DIAPH1: variants seen among roughly 807,000 people sequenced by gnomAD.
DIAPH1 encodes diaphanous related formin 1, also known as protein diaphanous homolog 1.
Under a neutral mutation model 140.7 loss-of-function variants are expected in DIAPH1, and 46 were observed. That is an observed-to-expected ratio of 0.33 (90% CI 0.26 to 0.42). DIAPH1 has a LOEUF of 0.42. Among genes scored for constraint, DIAPH1 ranks in the 10% least tolerant of loss-of-function variants. DIAPH1 has a pLI of 1.00. For synonymous variants in DIAPH1, 565 were observed against 551.6 expected (o/e 1.02, Z -0.34); for missense variants, 1,310 against 1,558.7 (o/e 0.84, Z 2.69).
chr5:141,618,592 CG>C (rs2099903082), intron 1 of DIAPH1: 1 of 471,712 alleles, frequency 2.1e-6, no homozygotes, highest in South Asian at 2.6e-5. Context: ...CCGAGGTGGC[CG>C]GGGCAAGAGC....
intron 18 of DIAPH1, among the ~76,000 whole-genome samples, chr5:141,553,586 T>G (rs2099892082): frequency 6.6e-6 from 1 of 151,680 alleles, no homozygotes; most frequent in South Asian, 2.1e-4. Flanking sequence ...GAGGTTGCGG[T>G]GAGCCAAGAT....
chr5:141,546,297 G>A (rs1562298557), intron 18 of DIAPH1, among the ~76,000 whole-genome samples: 1 of 152,112 alleles, frequency 6.6e-6, no homozygotes, highest in South Asian at 2.1e-4. Context: ...CAGGATAACT[G>A]CTTGAACTCA....
chr5:141,600,425 T>C (rs951973825), intron 1 of DIAPH1, among the ~76,000 whole-genome samples: 1 of 152,282 alleles, frequency 6.6e-6, no homozygotes, highest in Non-Finnish European at 1.5e-5. Context: ...AGCTAATAAG[T>C]GTGTTTGTTT....
At chr5:141,578,419 G>T in intron 10 of DIAPH1, 76 bp from the exon 11 acceptor site, 1 of 1,540,812 alleles carries the variant, frequency 6.5e-7, no homozygotes, top group Non-Finnish European at 9.0e-7. Flanking sequence ...TTTCAACCTG[G>T]TTTTTAATTG....
chr5:141,595,403 T>A (rs923659872), intron 1 of DIAPH1, among the ~76,000 whole-genome samples: 1 of 152,180 alleles, frequency 6.6e-6, no homozygotes, highest in Non-Finnish European at 1.5e-5. Context: ...GGGGAGGCCA[T>A]GCGATATGGT....
chr5:141,522,642 G>A (rs1390185940), intron 27 of DIAPH1, among the ~76,000 whole-genome samples: 1 of 150,662 alleles, frequency 6.6e-6, no homozygotes, highest in Non-Finnish European at 1.5e-5. Context: ...AATGCTTAAT[G>A]TTAAGGCCAC....
chr5:141,584,399 G>C (rs1290556576), intron 3 of DIAPH1, among the ~76,000 whole-genome samples, 174 bp from the exon 4 acceptor site: 1 of 152,072 alleles, frequency 6.6e-6, no homozygotes, highest in African/African-American at 2.4e-5. Context: ...ATTCCTCAAA[G>C]ATAAGTATAG....
At chr5:141,544,505 A>G (rs954791781) in intron 18 of DIAPH1, among the ~76,000 whole-genome samples, 2 of 152,286 alleles carry the variant, frequency 1.3e-5, no homozygotes, top group East Asian at 1.9e-4. Context: ...CACAGATTAA[A>G]AAGTTATGAC....
chr5:141,580,648 T>C, intron 8 of DIAPH1, 96 bp downstream of exon 8: 13 of 1,246,732 alleles, frequency 1.0e-5, no homozygotes, highest in Non-Finnish European at 1.4e-5. Flanking sequence ...CTAGTATTTA[T>C]GACCGAGAGG....
chr5:141,585,160 T>A (rs2154596639), intron 3 of DIAPH1, among the ~76,000 whole-genome samples: 1 of 152,248 alleles, frequency 6.6e-6, no homozygotes, highest in East Asian at 1.9e-4. Context: ...TTTCACCATC[T>A]TGGCCAGGCT....
In DIAPH1 at chr5:141,583,505, A is replaced by G; in HGVS notation, c.513T>C (p.Ser171=). 1 of 1,614,114 alleles carries G rather than the reference A, an allele frequency of 6.2e-7. No homozygotes were observed. Among genetic ancestry groups the G allele is most frequent in the African/African-American group, 1.3e-5 (1 of 75,032 alleles). Reference sequence around the variant, plus strand: ...CTCACCTGACAGGGTTGTTGTTGAGAGACACACGAAGGGACTCCAGGCAGC... The same window carrying G: ...CTCACCTGACAGGGTTGTTGTTGAGGGACACACGAAGGGACTCCAGGCAGC... ...LLSCLESLRV[S]LNNNPVSWVQ... is the part of the protein sequence containing the mutation. Residue 171 remains serine (S), a synonymous_variant, in exon 5 of 28, where the codon TCT becomes TCC. Transcript: ENST00000389054.
At chr5:141,557,118 T>C (rs929208947) in intron 18 of DIAPH1, among the ~76,000 whole-genome samples, 2 of 152,210 alleles carry the variant, frequency 1.3e-5, no homozygotes, top group African/African-American at 4.8e-5. Context: ...TTGGCTCTGA[T>C]TCAAATGAAC....
chr5:141,524,269 C>T (rs1371507153), intron 26 of DIAPH1, 40 bp from the exon 27 acceptor site: 9 of 1,577,968 alleles, frequency 5.7e-6, no homozygotes, highest in African/African-American at 1.3e-5. Flanking sequence ...ACTCTTCAGC[C>T]AGAGCAGCAT....
At chr5:141,525,372 T>C (rs1364236630) in intron 26 of DIAPH1, among the ~76,000 whole-genome samples, 1 of 151,968 alleles carries the variant, frequency 6.6e-6, no homozygotes, top group Non-Finnish European at 1.5e-5. Context: ...GTATTTCCGC[T>C]GCCCACAGAG....
chr5:141,578,681 C>A, intron 9 of DIAPH1, 56 bp from the exon 10 acceptor site: 1 of 1,363,230 alleles, frequency 7.3e-7, no homozygotes, highest in East Asian at 2.3e-5. Flanking sequence ...GATCAAGAAT[C>A]CATTTTCTTT....
chr5:141,576,165 C>G, intron 14 of DIAPH1, 65 bp downstream of exon 14: 5 of 1,329,006 alleles, frequency 3.8e-6, no homozygotes, highest in Non-Finnish European at 5.4e-6. Flanking sequence ...TCTCATAGAT[C>G]AGGAAAATAA....
At chr5:141,615,437 G>GAAAAAA (rs1013629826) in intron 1 of DIAPH1, among the ~76,000 whole-genome samples, 153 of 45,974 alleles carry the variant, frequency 3.3e-3, no homozygotes, top group Non-Finnish European at 3.5e-3. Flanking sequence ...CTCAGAAAAA[G>GAAAAAA]AAAAAAAAAA....
chr5:141,519,390 G>A (rs1396862563), intron 27 of DIAPH1, among the ~76,000 whole-genome samples: 1 of 152,186 alleles, frequency 6.6e-6, no homozygotes, highest in African/African-American at 2.4e-5. Flanking sequence ...ATGTGTGTGT[G>A]TGTGTGTAAC....
At chr5:141,558,153 A>T (rs2099892935) in intron 18 of DIAPH1, among the ~76,000 whole-genome samples, 1 of 152,198 alleles carries the variant, frequency 6.6e-6, no homozygotes, top group Non-Finnish European at 1.5e-5. Flanking sequence ...TTGAGCTCTA[A>T]AATTCAACTA....
Sources: gnomAD v4.1 joint callset for allele counts (sites outside exome capture counted in the v4.1 genomes callset) on GRCh38, gnomAD v4.1.1 for gene constraint, MANE v1.5 for transcripts, NCBI Gene and HGNC (gene_info 2026-07-23, HGNC 2026-07-21) for gene names.